The following R3HDM2 variants were observed in gnomAD, a reference collection of about 807,000 sequenced individuals.
The protein encoded by R3HDM2 is R3H domain containing 2, also known as R3H domain-containing protein 2.
A neutral mutation model predicts 124.5 loss-of-function variants in R3HDM2; 38 were observed. The ratio of observed to expected loss-of-function variants is 0.31; its 90% CI spans 0.24 to 0.40. The LOEUF is 0.40. R3HDM2 is among the 10% of genes least tolerant of loss of function. The pLI is 1.00. For synonymous variants in R3HDM2, 391 were observed against 448.0 expected (o/e 0.87, Z 1.61); for missense variants, 869 against 1,236.9 (o/e 0.70, Z 4.46).
intron 1 of R3HDM2, among the ~76,000 whole-genome samples, chr12:57,420,993 T>C (rs2070130931): frequency 6.6e-6 from 1 of 151,938 alleles, no homozygotes; most frequent in Non-Finnish European, 1.5e-5. Flanking sequence ...AACGTGCATC[T>C]TCCTATATTC....
At chr12:57,364,078 T>G (rs1388848056) in intron 2 of R3HDM2, among the ~76,000 whole-genome samples, 2 of 152,080 alleles carry the variant, frequency 1.3e-5, no homozygotes, top group Non-Finnish European at 2.9e-5. Flanking sequence ...AAAAGTTTGC[T>G]GTAATTCTTA....
chr12:57,279,936 C>A (rs562614726), intron 14 of R3HDM2, among the ~76,000 whole-genome samples: 7 of 152,204 alleles, frequency 4.6e-5, no homozygotes, highest in African/African-American at 1.7e-4. Context: ...CAAACCCCAA[C>A]ACATAAATAG....
chr12:57,351,456 G>A (rs1241477111), intron 2 of R3HDM2, among the ~76,000 whole-genome samples: 1 of 152,190 alleles, frequency 6.6e-6, no homozygotes, highest in African/African-American at 2.4e-5. Context: ...AAGGCCTGTG[G>A]ATGGTGAGTA....
chr12:57,266,252 T>C (rs552528430), intron 19 of R3HDM2, among the ~76,000 whole-genome samples: 11 of 151,862 alleles, frequency 7.2e-5, no homozygotes, highest in Non-Finnish European at 1.5e-4. Flanking sequence ...TGCACCACCA[T>C]GCCTGGCTAA....
At chr12:57,429,372 G>GT (rs1288808998) in intron 1 of R3HDM2, among the ~76,000 whole-genome samples, 1 of 152,200 alleles carries the variant, frequency 6.6e-6, no homozygotes, top group African/African-American at 2.4e-5. Context: ...CAGCAACAGG[G>GT]TAAGAAAAAT....
chr12:57,333,144 G>A (rs2058415996), intron 2 of R3HDM2, among the ~76,000 whole-genome samples: 1 of 152,124 alleles, frequency 6.6e-6, no homozygotes, highest in Non-Finnish European at 1.5e-5. Flanking sequence ...GATCTGCTAT[G>A]ACAAGGAACC....
At chr12:57,380,215 T>C (rs926100487) in intron 2 of R3HDM2, among the ~76,000 whole-genome samples, 2 of 152,228 alleles carry the variant, frequency 1.3e-5, no homozygotes, top group Non-Finnish European at 2.9e-5. Flanking sequence ...CTATGAACTA[T>C]ATCCTATACA....
chr12:57,407,597 G>A (rs2068643029), intron 1 of R3HDM2, among the ~76,000 whole-genome samples: 1 of 151,608 alleles, frequency 6.6e-6, no homozygotes, highest in Admixed American at 6.6e-5. Context: ...AGTAGAGATG[G>A]GGTTTCACCG....
chr12:57,254,530 G>A lies in R3HDM2; in HGVS notation c.*243C>T. On this transcript the variant is annotated 3_prime_UTR_variant, in exon 24 of 24. Coordinates refer to ENST00000402412, the MANE Select transcript of R3HDM2 (RefSeq NM_001394031.1). ...AAAAAAAAAAAAAAAAAAAAGAAGA[G>A]GATGGGAAGAAGAGTGATGCAAGGG... The A allele has an allele frequency of 2.1e-6, 1 of 465,138 alleles. No homozygotes were observed. Among genetic ancestry groups the A allele is most frequent in the Non-Finnish European group, 3.8e-6 (1 of 265,894 alleles). The allele number at this position is 465,138 out of a possible 1,614,324, so 28.8% of individuals were successfully genotyped here. A position where few individuals can be genotyped will look rare whatever the true frequency, so the allele number is the denominator to read the frequency against.
At chr12:57,417,833 G>A (rs1055387499) in intron 1 of R3HDM2, among the ~76,000 whole-genome samples, 1 of 152,076 alleles carries the variant, frequency 6.6e-6, no homozygotes, top group African/African-American at 2.4e-5. Flanking sequence ...GTCAGGAATG[G>A]GCATAGGCTA....
intron 1 of R3HDM2, among the ~76,000 whole-genome samples, chr12:57,427,633 AG>A (rs1868277504): frequency 6.6e-6 from 1 of 150,758 alleles, no homozygotes. Flanking sequence ...TATAGGTGTG[AG>A]CCACTGCGCC....
intron 2 of R3HDM2, among the ~76,000 whole-genome samples, chr12:57,318,026 A>G (rs1347588612): frequency 1.3e-5 from 2 of 149,818 alleles, no homozygotes; most frequent in Non-Finnish European, 3.0e-5. Context: ...GAGGTGGCTC[A>G]TGCCTGTAAT....
intron 4 of R3HDM2, among the ~76,000 whole-genome samples, chr12:57,302,498 T>G (rs1157176281): frequency 6.8e-6 from 1 of 147,932 alleles, no homozygotes; most frequent in Non-Finnish European, 1.5e-5. Flanking sequence ...AAACCTCATC[T>G]CTCCTAAAAT....
Position 57,254,791 on chromosome 12 carries a change from C to A in R3HDM2, c.2955G>T (p.Glu985Asp). 1 of 1,577,290 alleles carries A rather than the reference C, an allele frequency of 6.3e-7. No individual in the cohort carries two copies. Among genetic ancestry groups the A allele is most frequent in the Non-Finnish European group, 8.7e-7 (1 of 1,154,980 alleles). The change falls in exon 24 of 24, where the codon GAG (glutamate) becomes GAT (aspartate). Residue 985 changes from glutamate to aspartate, a missense_variant. Physicochemically the swap from Glu to Asp is conservative, Grantham distance 45 (BLOSUM62 2). Coordinates refer to ENST00000402412, the MANE Select transcript of R3HDM2 (RefSeq NM_001394031.1). ...AKKNYDLRIL[E>D]RASSQ Reference sequence around the variant, plus strand: ...CCTCCATTTATTGGGAGCTGGCTCGCTCCAGGATCCTCAGGTCATAGTTCT... The same window carrying A: ...CCTCCATTTATTGGGAGCTGGCTCGATCCAGGATCCTCAGGTCATAGTTCT...
chr12:57,274,644 A>G (rs1385236778), intron 14 of R3HDM2, among the ~76,000 whole-genome samples: 1 of 152,188 alleles, frequency 6.6e-6, no homozygotes, highest in Non-Finnish European at 1.5e-5. Context: ...TAGTTACTCC[A>G]CAGCTATCCT....
chr12:57,381,397 C>G (rs995783126), intron 2 of R3HDM2, among the ~76,000 whole-genome samples: 1 of 151,824 alleles, frequency 6.6e-6, no homozygotes, highest in African/African-American at 2.4e-5. Flanking sequence ...ACAAAAAATA[C>G]AGAAATTAGC....
intron 9 of R3HDM2, among the ~76,000 whole-genome samples, chr12:57,295,970 A>G (rs540264821): frequency 6.6e-6 from 1 of 152,252 alleles, no homozygotes; most frequent in East Asian, 1.9e-4. Flanking sequence ...CTGGGGTTCA[A>G]GTGATTCTCC....
At chr12:57,365,351 T>G (rs2062514859) in intron 2 of R3HDM2, among the ~76,000 whole-genome samples, 1 of 152,112 alleles carries the variant, frequency 6.6e-6, no homozygotes, top group Non-Finnish European at 1.5e-5. Flanking sequence ...TTTAATGGCC[T>G]TCTGTCCAAA....
In R3HDM2 at chr12:57,254,353, T is replaced by C. The variant is rs2038260775; in HGVS notation, c.*420A>G. 1 of 412,822 alleles carries C rather than the reference T, an allele frequency of 2.4e-6. No individual in the cohort carries two copies. Among genetic ancestry groups the C allele is most frequent in the Non-Finnish European group, 4.7e-6 (1 of 212,806 alleles). The allele number at this position is 412,822 out of a possible 1,614,324, so 25.6% of individuals were successfully genotyped here. On this transcript the variant is annotated 3_prime_UTR_variant, in exon 24 of 24. Coordinates refer to ENST00000402412, the MANE Select transcript of R3HDM2 (RefSeq NM_001394031.1). ...CCGTCTCTACTAAAAATACAAAAAT[T>C]AGCCGGGCATGGTGGCGCGTGTCTG...
Sources: allele counts gnomAD v4.1 joint callset (sites outside exome capture counted in the v4.1 genomes callset), GRCh38; gene constraint gnomAD v4.1.1; transcripts MANE v1.5; gene names NCBI Gene and HGNC (gene_info 2026-07-23, HGNC 2026-07-21).